The following PPP4R4 variants were observed in gnomAD, a reference collection of about 807,000 sequenced individuals.
The protein encoded by PPP4R4 is protein phosphatase 4 regulatory subunit 4.
PPP4R4 carries 70 observed loss-of-function variants against 121.8 expected under a neutral mutation model. The observed-to-expected ratio is 0.57, with a 90% confidence interval of 0.47 to 0.70. PPP4R4 has a LOEUF of 0.70. Among genes scored for constraint, PPP4R4 ranks in the 30% least tolerant of loss-of-function variants. The pLI is 0.00. For missense variants in PPP4R4, 875 were observed against 1,033.6 expected, an observed-to-expected ratio of 0.85 and a Z score of 2.10; for synonymous variants, 348 against 355.7, an observed-to-expected ratio of 0.98 and a Z score of 0.24.
In PPP4R4 at chr14:94,195,355, A is replaced by C. The variant is rs570546396; in HGVS notation, c.192-13109A>C. Among the ~76,000 whole-genome samples, 21 of 152,332 alleles carry C rather than the reference A, an allele frequency of 1.4e-4. No homozygotes were observed. In the South Asian group the frequency reaches 2.9e-3, roughly 21 times the overall value. On this transcript the variant is annotated intron_variant, in intron 2 of 24. Transcript: ENST00000304338. Reference sequence around the variant, plus strand: ...GTTTTAACAAGCCCTGTACAAGTGGATTCCGACACATGCTGAAGTTTGAGA... The same window carrying C: ...GTTTTAACAAGCCCTGTACAAGTGGCTTCCGACACATGCTGAAGTTTGAGA...
At chr14:94,195,539 C>A (rs1030928533) in intron 2 of PPP4R4, among the ~76,000 whole-genome samples, 6 of 152,140 alleles carry the variant, frequency 3.9e-5, no homozygotes, top group Non-Finnish European at 8.8e-5. Flanking sequence ...TTTGTCTAAA[C>A]CAGGATTTCT....
chr14:94,176,271 A>G (rs1394858167), intron 2 of PPP4R4, 144 bp downstream of exon 2: 4 of 603,788 alleles, frequency 6.6e-6, no homozygotes, highest in Non-Finnish European at 1.2e-5. Flanking sequence ...GTACTTAACT[A>G]TATTATAAAT....
At chr14:94,239,196 C>T (rs966706834) in intron 8 of PPP4R4, among the ~76,000 whole-genome samples, 81 of 145,318 alleles carry the variant, frequency 5.6e-4, no homozygotes, top group Non-Finnish European at 9.7e-4. Flanking sequence ...CCTTCTGCTT[C>T]TTTTTTTTTT....
At chr14:94,212,435 C>T (rs1890792055) in intron 3 of PPP4R4, among the ~76,000 whole-genome samples, 1 of 152,022 alleles carries the variant, frequency 6.6e-6, no homozygotes, top group Admixed American at 6.5e-5. Flanking sequence ...CATAGTATTT[C>T]CCCAATTTAT....
chr14:94,184,560 C>A (rs1442076282), intron 2 of PPP4R4, among the ~76,000 whole-genome samples: 1 of 152,136 alleles, frequency 6.6e-6, no homozygotes, highest in Non-Finnish European at 1.5e-5. Context: ...GGCCTGTCTT[C>A]CTTCTTAAAA....
intron 3 of PPP4R4, chr14:94,227,571 C>T (rs1442826179): frequency 7.6e-7 from 1 of 1,311,928 alleles, no homozygotes; most frequent in African/African-American, 1.5e-5. Context: ...AAATTAAATG[C>T]AAAATAGTTG....
chr14:94,267,129 T>G (rs1000066085), intron 23 of PPP4R4, 100 bp downstream of exon 23: 4 of 697,878 alleles, frequency 5.7e-6, no homozygotes, highest in Non-Finnish European at 9.2e-6. Flanking sequence ...AGTGTTTTCT[T>G]AAATCTAAAT....
rs1017072406 is a variant in PPP4R4, at chr14:94,230,826, A to G, written c.442+92A>G. The G allele has an allele frequency of 1.5e-5, 20 of 1,357,856 alleles. No individual in the cohort carries two copies. In the East Asian group the frequency reaches 2.4e-4, roughly 16 times the overall value. 84.1% of individuals were successfully genotyped at this position (1,357,856 alleles called of 1,614,324 possible). A position where few individuals can be genotyped will look rare whatever the true frequency, so the allele number is the denominator to read the frequency against. On this transcript the variant is annotated intron_variant, in intron 4 of 24. Transcript: ENST00000304338. ...TATAAATACTGTTAGCCTGATGAGG[A>G]TAACTGAGTAAGGCCATGCTGCCTA...
chr14:94,222,553 C>CTGTA (rs1401545069), intron 3 of PPP4R4, among the ~76,000 whole-genome samples: 1 of 148,126 alleles, frequency 6.8e-6, no homozygotes, highest in Non-Finnish European at 1.5e-5. Flanking sequence ...TTTTTATTAC[C>CTGTA]TGTAGTATTT....
chr14:94,184,336 A>G (rs1889145082), intron 2 of PPP4R4, among the ~76,000 whole-genome samples: 1 of 152,092 alleles, frequency 6.6e-6, no homozygotes, highest in African/African-American at 2.4e-5. Flanking sequence ...ACAGCTCACA[A>G]TAACCTTGAA....
intron 2 of PPP4R4, among the ~76,000 whole-genome samples, chr14:94,204,455 A>G (rs1031063884): frequency 6.6e-6 from 1 of 151,874 alleles, no homozygotes; most frequent in Non-Finnish European, 1.5e-5. Context: ...CTCTCCTTCC[A>G]CCAATACTGT....
At chr14:94,221,526 T>C (rs934920299) in intron 3 of PPP4R4, among the ~76,000 whole-genome samples, 1 of 152,050 alleles carries the variant, frequency 6.6e-6, no homozygotes, top group African/African-American at 2.4e-5. Flanking sequence ...TTTAGAAATA[T>C]GGAAAAATTT....
intron 2 of PPP4R4, among the ~76,000 whole-genome samples, chr14:94,194,914 C>T (rs1889788534): frequency 6.6e-6 from 1 of 152,236 alleles, no homozygotes; most frequent in Non-Finnish European, 1.5e-5. Flanking sequence ...TTGTCTGATA[C>T]ACAACCTTTT....
chr14:94,251,957 C>T, intron 16 of PPP4R4, 61 bp downstream of exon 16: 1 of 1,378,454 alleles, frequency 7.3e-7, no homozygotes, highest in East Asian at 2.5e-5. Flanking sequence ...CTATAGTGAA[C>T]ATATGCAAAA....
Position 94,266,972 on chromosome 14 carries a change from A to G in PPP4R4, c.2392A>G (p.Thr798Ala), listed in dbSNP as rs747329437. 6.6e-5 allele frequency: 104 copies of G among 1,586,678 alleles called. No individual in the cohort carries two copies. Among genetic ancestry groups the G allele is most frequent in the East Asian group, 2.9e-4 (13 of 44,618 alleles). Residue 798 changes from threonine to alanine, a missense_variant, in exon 23 of 25, where the codon ACA becomes GCA. Coordinates refer to ENST00000304338, the MANE Select transcript of PPP4R4 (RefSeq NM_058237.2). The part of the protein sequence containing the change: ...LEKCASKSST[T>A]GYTTSVSGLG... ...GTTGTTTTCTAGTAAAAGTTCTACAACAGGATATACAACTTCTGTCTCAGG... is the reference window on the plus strand; with the variant it reads ...GTTGTTTTCTAGTAAAAGTTCTACAGCAGGATATACAACTTCTGTCTCAGG...
chr14:94,253,000 T>C (rs1893270119), intron 16 of PPP4R4, among the ~76,000 whole-genome samples: 2 of 152,232 alleles, frequency 1.3e-5, no homozygotes, highest in Admixed American at 1.3e-4. Context: ...CTTAAGACTT[T>C]TATGAGCATT....
At chr14:94,218,380 C>G (rs1469903817) in intron 3 of PPP4R4, among the ~76,000 whole-genome samples, 1 of 137,130 alleles carries the variant, frequency 7.3e-6, no homozygotes, top group South Asian at 2.5e-4. Context: ...ACACCGCACG[C>G]GCGTGCACAC....
chr14:94,253,385 G>T (rs1273527195), intron 16 of PPP4R4, among the ~76,000 whole-genome samples: 1 of 151,400 alleles, frequency 6.6e-6, no homozygotes, highest in East Asian at 1.9e-4. Context: ...GTATGAACCT[G>T]GGAGGTGGAG....
chr14:94,242,037 G>A, intron 10 of PPP4R4, 80 bp downstream of exon 10: 3 of 1,375,024 alleles, frequency 2.2e-6, no homozygotes, highest in Non-Finnish European at 3.0e-6. Flanking sequence ...TCAAAATATT[G>A]CCATTTTTGA....
Sources: gnomAD v4.1 joint callset for allele counts (sites outside exome capture counted in the v4.1 genomes callset) on GRCh38, gnomAD v4.1.1 for gene constraint, MANE v1.5 for transcripts, NCBI Gene and HGNC (gene_info 2026-07-23, HGNC 2026-07-21) for gene names.